Variants in LMCD1 observed in about 807,000 individuals in gnomAD.
LMCD1 encodes the protein LIM and cysteine-rich domains protein 1.
LMCD1 carries 32 observed loss-of-function variants against 42.7 expected under a neutral mutation model. The ratio of observed to expected loss-of-function variants is 0.75; its 90% CI spans 0.57 to 1.01. The LOEUF is 1.01. LMCD1 is among the 50% of genes least tolerant of loss of function. The pLI is 0.00. For synonymous variants in LMCD1, 178 were observed against 184.9 expected, an observed-to-expected ratio of 0.96 and a Z score of 0.30; for missense variants, 458 against 483.1, an observed-to-expected ratio of 0.95 and a Z score of 0.49.
chr3:8,538,753 A>G (rs892787853), intron 3 of LMCD1, among the ~76,000 whole-genome samples: 4 of 152,104 alleles, frequency 2.6e-5, no homozygotes, highest in African/African-American at 4.8e-5. Context: ...CTTTTATTGC[A>G]AACAGATTAT....
chr3:8,527,226 A>G (rs1694317806), intron 1 of LMCD1, among the ~76,000 whole-genome samples: 1 of 152,232 alleles, frequency 6.6e-6, no homozygotes, highest in African/African-American at 2.4e-5. Context: ...TCACTGGGAA[A>G]GATAAAACAC....
Position 8,522,220 on chromosome 3 carries a change from G to T in LMCD1, c.43-10517G>T, listed in dbSNP as rs144718832. Among the ~76,000 whole-genome samples the T allele has an allele frequency of 8.5e-5, 13 of 152,312 alleles. No individual in the cohort carries two copies. In the East Asian group the frequency reaches 2.3e-3, roughly 27 times the overall value. ...AGATTAACCCCTTTTGTTCACAGAT[G>T]ATGTCAGCCTTGGTGGTCTCCAATC... On this transcript the variant is annotated intron_variant, in intron 1 of 5. Coordinates refer to ENST00000157600, the MANE Select transcript of LMCD1 (RefSeq NM_014583.4).
chr3:8,544,458 T>A (rs1330186282), intron 3 of LMCD1, among the ~76,000 whole-genome samples: 1 of 152,166 alleles, frequency 6.6e-6, no homozygotes, highest in Non-Finnish European at 1.5e-5. Context: ...CAGATAGGTG[T>A]CCTCTGGGAT....
intron 4 of LMCD1, chr3:8,550,802 A>G: frequency 1.0e-6 from 1 of 985,260 alleles, no homozygotes; most frequent in Non-Finnish European, 1.2e-6. Context: ...TAAATACTAG[A>G]TAATTCTAAG....
intron 4 of LMCD1, among the ~76,000 whole-genome samples, chr3:8,552,370 G>A (rs762816242): frequency 2.0e-5 from 3 of 152,188 alleles, no homozygotes; most frequent in Non-Finnish European, 2.9e-5. Context: ...CTCAGGAGAC[G>A]TTAGAGTGAA....
At chr3:8,511,860 G>C (rs1197249129) in intron 1 of LMCD1, among the ~76,000 whole-genome samples, 1 of 152,192 alleles carries the variant, frequency 6.6e-6, no homozygotes, top group Admixed American at 6.5e-5. Flanking sequence ...AACTTCTCAT[G>C]ATGGTGACTT....
intron 3 of LMCD1, among the ~76,000 whole-genome samples, chr3:8,541,408 G>T (rs1694624225): frequency 6.6e-6 from 1 of 152,126 alleles, no homozygotes; most frequent in Non-Finnish European, 1.5e-5. Flanking sequence ...AATTAGCCGG[G>T]TGTGGTAGCA....
At chr3:8,504,453 C>T (rs1264453917) in intron 1 of LMCD1, among the ~76,000 whole-genome samples, 1 of 152,224 alleles carries the variant, frequency 6.6e-6, no homozygotes, top group East Asian at 1.9e-4. Flanking sequence ...TTTAAAATGG[C>T]ATACAGGCTG....
At chr3:8,539,795 T>TTTTTTATTA (rs773512441) in intron 3 of LMCD1, among the ~76,000 whole-genome samples, 17 of 139,830 alleles carry the variant, frequency 1.2e-4, no homozygotes, top group South Asian at 2.4e-4. Flanking sequence ...TCCCAACATT[T>TTTTTTATTA]TTATTATTAT....
At chr3:8,548,996 C>A in intron 4 of LMCD1, 93 bp downstream of exon 4, 1 of 911,198 alleles carries the variant, frequency 1.1e-6, no homozygotes, top group Non-Finnish European at 1.6e-6. Context: ...TTCCCTCATT[C>A]ATGCATTTAT....
intron 1 of LMCD1, among the ~76,000 whole-genome samples, chr3:8,524,592 T>C (rs1694264248): frequency 1.3e-5 from 2 of 152,172 alleles, no homozygotes; most frequent in Non-Finnish European, 1.5e-5. Context: ...AAGCTGCTTA[T>C]GAAAAGGGAA....
intron 3 of LMCD1, among the ~76,000 whole-genome samples, chr3:8,544,779 C>A (rs3732987): frequency 0.46 from 69,688 of 152,016 alleles, 16,593 homozygotes; most frequent in Non-Finnish European, 0.52. Flanking sequence ...CAGATGGGTT[C>A]TAGGAGGATG....
chr3:8,567,867 GCTACAACCAA>G lies in LMCD1; in HGVS notation c.*273_*282del, dbSNP rs1312962787. The G allele has an allele frequency of 4.4e-5, 11 of 248,780 alleles. No homozygotes were observed. The highest frequency in any genetic ancestry group is 8.3e-5 in the Non-Finnish European group (11 of 131,746). The allele number at this position is 248,780 out of a possible 1,614,324, so 15.4% of individuals were successfully genotyped here. A position where few individuals can be genotyped will look rare whatever the true frequency, so the allele number is the denominator to read the frequency against. On this transcript the variant is annotated 3_prime_UTR_variant, in exon 6 of 6. Transcript: ENST00000157600. Reference sequence around the variant, plus strand: ...CTTTTCTTTCTGTTGTTGTTTCCCAGCTACAACCAACTAAAGACACAAATGGCGTTCTGCA... The same window carrying G: ...CTTTTCTTTCTGTTGTTGTTTCCCAGCTAAAGACACAAATGGCGTTCTGCA...
At chr3:8,543,149 C>A (rs755146016) in intron 3 of LMCD1, among the ~76,000 whole-genome samples, 13 of 152,162 alleles carry the variant, frequency 8.5e-5, no homozygotes, top group Non-Finnish European at 1.9e-4. Flanking sequence ...GGGGCAGGCC[C>A]TGGGCAAGAA....
At chr3:8,528,030 G>A (rs1039118325) in intron 1 of LMCD1, among the ~76,000 whole-genome samples, 2 of 152,136 alleles carry the variant, frequency 1.3e-5, no homozygotes, top group Non-Finnish European at 2.9e-5. Context: ...AATTGTTTGT[G>A]TCTCTATTGG....
At chr3:8,546,631 G>A (rs1009154284) in intron 3 of LMCD1, among the ~76,000 whole-genome samples, 4 of 152,004 alleles carry the variant, frequency 2.6e-5, no homozygotes, top group East Asian at 1.9e-4. Context: ...GAACTGTCCC[G>A]CTAGAGGGTC....
In LMCD1 at chr3:8,573,877, A is replaced by T. The variant is rs897371404; in HGVS notation, c.*6279A>T. On this transcript the variant is annotated 3_prime_UTR_variant, in exon 6 of 6. Coordinates refer to ENST00000157600, the MANE Select transcript of LMCD1 (RefSeq NM_014583.4). Reference sequence around the variant, plus strand: ...ATCCAATTAAAACTGGTTTAAACCTAAAAAAAAAAAAAAGAAGAAAAGAAA... The same window carrying T: ...ATCCAATTAAAACTGGTTTAAACCTTAAAAAAAAAAAAAGAAGAAAAGAAA... The T allele has an allele frequency of 4.0e-5, 2 of 49,690 alleles. No homozygotes were observed. Among genetic ancestry groups the T allele is most frequent in the Admixed American group, 3.8e-4 (2 of 5,204 alleles). 3.1% of individuals were successfully genotyped at this position (49,690 alleles called of 1,614,324 possible). A position where few individuals can be genotyped will look rare whatever the true frequency, so the allele number is the denominator to read the frequency against.
intron 2 of LMCD1, among the ~76,000 whole-genome samples, chr3:8,536,910 C>T (rs566455342): frequency 6.6e-6 from 1 of 152,154 alleles, no homozygotes; most frequent in Non-Finnish European, 1.5e-5. Context: ...CAGCCTTTGC[C>T]GTGGCAACCA....
chr3:8,507,291 C>G (rs1437548384), intron 1 of LMCD1, among the ~76,000 whole-genome samples: 1 of 152,194 alleles, frequency 6.6e-6, no homozygotes, highest in Non-Finnish European at 1.5e-5. Context: ...GAAGTTGAGT[C>G]TCCTGTGTTC....
Sources: gnomAD v4.1 joint callset for allele counts (sites outside exome capture counted in the v4.1 genomes callset) on GRCh38, gnomAD v4.1.1 for gene constraint, MANE v1.5 for transcripts, NCBI Gene and HGNC (gene_info 2026-07-23, HGNC 2026-07-21) for gene names.